The following NEBL variants were observed in gnomAD, a reference collection of about 807,000 sequenced individuals.
The protein encoded by NEBL is nebulette.
Under a neutral mutation model 140.2 loss-of-function variants are expected in NEBL, and 122 were observed. The ratio of observed to expected loss-of-function variants is 0.87; its 90% CI spans 0.75 to 1.01. The LOEUF is 1.01. Ranked by LOEUF, NEBL falls within the 50% of genes least tolerant of loss-of-function variation. NEBL has a pLI of 0.00. For missense variants in NEBL, 1,365 were observed against 1,231.3 expected (o/e 1.11, Z -1.62); for synonymous variants, 436 against 398.9 (o/e 1.09, Z -1.11).
chr10:20,924,213 G>A (rs1175118467), intron 4 of NEBL, among the ~76,000 whole-genome samples: 2 of 151,866 alleles, frequency 1.3e-5, no homozygotes, highest in East Asian at 1.9e-4. Flanking sequence ...CATGGGTAGG[G>A]GCCAGGGATG....
intron 2 of NEBL, among the ~76,000 whole-genome samples, chr10:21,143,290 A>T (rs905122689): frequency 1.3e-5 from 2 of 151,886 alleles, no homozygotes; most frequent in Non-Finnish European, 2.9e-5. Flanking sequence ...CTCTCCTAAA[A>T]ATACAAAAAT....
At chr10:20,888,784 C>A in intron 3 of NEBL, among the ~76,000 whole-genome samples, 1 of 152,164 alleles carries the variant, frequency 6.6e-6, no homozygotes, top group East Asian at 1.9e-4. Context: ...TGCTCACTTC[C>A]AATATTTTGC....
At chr10:20,882,324 G>A (rs942520525) in intron 4 of NEBL, among the ~76,000 whole-genome samples, 1 of 151,114 alleles carries the variant, frequency 6.6e-6, no homozygotes, top group Non-Finnish European at 1.5e-5. Flanking sequence ...GAAAGAAGAG[G>A]GGAGAGGAGA....
chr10:20,942,124 T>G lies in NEBL; in HGVS notation c.357+19548A>C, dbSNP rs189193565. Among the ~76,000 whole-genome samples the G allele has an allele frequency of 7.4e-3, 1,125 of 152,302 alleles. 20 individuals carry two copies. Among genetic ancestry groups the G allele is most frequent in the African/African-American group, 0.026 (1,089 of 41,542 alleles). ...ATATGGAACCAAAAAAGAGCCCACC[T>G]TGCCAAGTCAATCCTAAGCCAAAAG... On this transcript the variant is annotated intron_variant, in intron 4 of 6. Coordinates refer to the NEBL transcript ENST00000417816.
At chr10:21,077,451 C>T (rs1042375396) in intron 2 of NEBL, among the ~76,000 whole-genome samples, 9 of 151,806 alleles carry the variant, frequency 5.9e-5, no homozygotes, top group Admixed American at 2.6e-4. Context: ...ACTAAAAGTA[C>T]AAAAAATTAG....
At chr10:21,047,945 A>C (rs1047512326) in intron 2 of NEBL, among the ~76,000 whole-genome samples, 3 of 152,264 alleles carry the variant, frequency 2.0e-5, no homozygotes, top group African/African-American at 7.2e-5. Context: ...TGTTATTGCC[A>C]TATAGCTTAG....
At chr10:20,843,911 G>A (rs1285250371) in intron 12 of NEBL, among the ~76,000 whole-genome samples, 1 of 152,032 alleles carries the variant, frequency 6.6e-6, no homozygotes. Flanking sequence ...CGGTGCTGCA[G>A]AACACCAGAG....
intron 26 of NEBL, among the ~76,000 whole-genome samples, chr10:20,805,846 C>T (rs1837563986): frequency 8.0e-6 from 1 of 124,834 alleles, no homozygotes; most frequent in Admixed American, 7.9e-5. Context: ...CAGCGAGACT[C>T]CGTCTCAAAA....
At chr10:21,265,008 T>C (rs1842782223) in intron 1 of NEBL, among the ~76,000 whole-genome samples, 1 of 152,054 alleles carries the variant, frequency 6.6e-6, no homozygotes, top group African/African-American at 2.4e-5. Flanking sequence ...CTGCAACCTC[T>C]ACCTCCTGGG....
intron 3 of NEBL, among the ~76,000 whole-genome samples, chr10:21,247,503 G>A (rs1282677391): frequency 2.0e-5 from 3 of 152,202 alleles, no homozygotes; most frequent in Non-Finnish European, 4.4e-5. Flanking sequence ...CAGGATTGAT[G>A]TAGGGACTCC....
At chr10:21,190,316 CAA>C (rs35446351) in intron 3 of NEBL, among the ~76,000 whole-genome samples, 1 of 144,076 alleles carries the variant, frequency 6.9e-6, no homozygotes, top group African/African-American at 2.5e-5. Flanking sequence ...CCTGTGCCTA[CAA>C]AAAAAAAAAA....
intron 25 of NEBL, 124 bp from the exon 26 acceptor site, chr10:20,808,783 C>T: frequency 9.3e-7 from 1 of 1,072,938 alleles, no homozygotes; most frequent in Non-Finnish European, 1.4e-6. Flanking sequence ...AACTCAAAAT[C>T]TCAGCGCTAG....
At chr10:20,830,193 GT>G (rs1344807091) in intron 16 of NEBL, among the ~76,000 whole-genome samples, 1 of 152,184 alleles carries the variant, frequency 6.6e-6, no homozygotes, top group Non-Finnish European at 1.5e-5. Flanking sequence ...CTAGTGGATG[GT>G]TAATGTCCTT....
chr10:21,009,072 A>G (rs775209485), intron 3 of NEBL, among the ~76,000 whole-genome samples: 1 of 152,156 alleles, frequency 6.6e-6, no homozygotes, highest in African/African-American at 2.4e-5. Flanking sequence ...GAAAACTTAT[A>G]TAACAGATAT....
chr10:20,880,314 T>C (rs1451601730), intron 5 of NEBL, among the ~76,000 whole-genome samples: 1 of 152,136 alleles, frequency 6.6e-6, no homozygotes, highest in Non-Finnish European at 1.5e-5. Context: ...GAGCCAAGAT[T>C]GAGCCACTGC....
intron 22 of NEBL, among the ~76,000 whole-genome samples, chr10:20,814,609 T>TACACACACACACACACACACACACACAC (rs1265684219): frequency 1.0e-5 from 1 of 98,314 alleles, no homozygotes; most frequent in African/African-American, 4.7e-5. Flanking sequence ...AACACACACA[T>TACACACACACACACACACACACACACAC]ACACACATAC....
intron 26 of NEBL, among the ~76,000 whole-genome samples, chr10:20,790,660 A>G (rs1190883408): frequency 6.6e-6 from 1 of 152,048 alleles, no homozygotes; most frequent in Non-Finnish European, 1.5e-5. Flanking sequence ...TTGAAAGCCT[A>G]AAGAAATCAA....
chr10:20,883,115 T>C (rs1429476723), intron 4 of NEBL, among the ~76,000 whole-genome samples: 2 of 152,208 alleles, frequency 1.3e-5, no homozygotes, highest in Non-Finnish European at 2.9e-5. Context: ...CTCACAATGG[T>C]TGGACCATTC....
intron 2 of NEBL, among the ~76,000 whole-genome samples, chr10:21,024,427 G>A (rs1432290111): frequency 6.7e-6 from 1 of 149,968 alleles, no homozygotes; most frequent in African/African-American, 2.5e-5. Context: ...GGGATCATGA[G>A]AACTAAAATG....
Sources: gnomAD v4.1 joint callset for allele counts (sites outside exome capture counted in the v4.1 genomes callset) on GRCh38, gnomAD v4.1.1 for gene constraint, MANE v1.5 for transcripts, NCBI Gene and HGNC (gene_info 2026-07-23, HGNC 2026-07-21) for gene names.